Variants in SPECC1 observed in about 807,000 individuals in gnomAD.
SPECC1 encodes sperm antigen with calponin homology and coiled-coil domains 1.
A neutral mutation model predicts 104.1 loss-of-function variants in SPECC1; 62 were observed. The ratio of observed to expected loss-of-function variants is 0.60; its 90% CI spans 0.49 to 0.74. SPECC1 has a LOEUF of 0.74. Ranked by LOEUF, SPECC1 falls within the 30% of genes least tolerant of loss-of-function variation. The pLI is 0.00. For synonymous variants in SPECC1, 513 were observed against 501.6 expected (o/e 1.02, Z -0.30); for missense variants, 1,306 against 1,310.5 (o/e 1.00, Z 0.05).
Position 20,204,660 on chromosome 17 carries a change from G to T in SPECC1, c.611G>T (p.Gly204Val). The stretch of plus-strand genomic sequence containing the variant: ...GAGAAAAGGACTCTGAACGCTGAGG[G>T]GACTGATGCTTTGGGCCCAAATGTC... Reference protein sequence around the residue: ...YKEKRTLNAEGTDALGPNVDG... With the variant: ...YKEKRTLNAEVTDALGPNVDG... The change falls in exon 4 of 15, where the codon GGG becomes GTG. Residue 204 changes from glycine (G) to valine (V), a missense_variant. By Grantham distance (109) the Gly-to-Val change is moderately radical. Transcript: ENST00000395527. The T allele has an allele frequency of 6.2e-7, 1 of 1,613,974 alleles. No homozygotes were observed. Among genetic ancestry groups the T allele is most frequent in the South Asian group, 1.1e-5 (1 of 91,046 alleles).
chr17:20,272,185 C>T (rs562699932), intron 12 of SPECC1, among the ~76,000 whole-genome samples: 22 of 152,228 alleles, frequency 1.4e-4, no homozygotes, highest in African/African-American at 5.3e-4. Context: ...ATTTCTTCTA[C>T]TCTGTTTTCT....
chr17:20,042,538 G>T (rs548035858), intron 1 of SPECC1, among the ~76,000 whole-genome samples: 2 of 152,324 alleles, frequency 1.3e-5, no homozygotes, highest in African/African-American at 4.8e-5. Flanking sequence ...CTACTGCCAT[G>T]CAGGGATAAA....
chr17:20,082,347 G>T (rs1252302045), intron 1 of SPECC1, among the ~76,000 whole-genome samples: 2 of 152,092 alleles, frequency 1.3e-5, no homozygotes, highest in Non-Finnish European at 2.9e-5. Flanking sequence ...TCAAAATCAA[G>T]GTGTTATTTT....
intron 1 of SPECC1, among the ~76,000 whole-genome samples, chr17:20,063,738 A>T (rs2046268994): frequency 6.6e-6 from 1 of 152,214 alleles, no homozygotes; most frequent in Non-Finnish European, 1.5e-5. Flanking sequence ...ATGAGTCAGG[A>T]ATCAGGCAGA....
chr17:20,060,917 G>A (rs1017575185), intron 1 of SPECC1, among the ~76,000 whole-genome samples: 7 of 152,192 alleles, frequency 4.6e-5, no homozygotes, highest in Non-Finnish European at 7.3e-5. Context: ...TGTAAAAGCA[G>A]TAACTTGTAG....
intron 3 of SPECC1, chr17:20,112,115 G>A (rs9902683): frequency 0.12 from 91,615 of 763,760 alleles, 5,762 homozygotes; most frequent in Non-Finnish European, 0.13. Flanking sequence ...CTGGAGGGGC[G>A]GTACTTTACA....
At chr17:20,141,901 T>C (rs1449395481) in intron 3 of SPECC1, among the ~76,000 whole-genome samples, 1 of 152,228 alleles carries the variant, frequency 6.6e-6, no homozygotes, top group Non-Finnish European at 1.5e-5. Context: ...ATTCTCCCCA[T>C]GTTCAAGTTT....
intron 12 of SPECC1, among the ~76,000 whole-genome samples, chr17:20,280,073 C>T (rs2040713940): frequency 1.3e-5 from 2 of 152,118 alleles, no homozygotes; most frequent in Non-Finnish European, 2.9e-5. Context: ...AAAATGGATT[C>T]CACCTGTGTG....
intron 1 of SPECC1, chr17:20,095,996 CTG>C (rs2047628031): frequency 6.6e-6 from 1 of 152,274 alleles, no homozygotes; most frequent in South Asian, 2.1e-4. Context: ...TTCCACATCT[CTG>C]TGTGGATTTT....
intron 1 of SPECC1, among the ~76,000 whole-genome samples, chr17:20,030,166 A>C (rs1483134146): frequency 1.3e-5 from 2 of 152,208 alleles, no homozygotes; most frequent in Non-Finnish European, 2.9e-5. Flanking sequence ...GAGGAAACTA[A>C]TACAAACATT....
intron 3 of SPECC1, among the ~76,000 whole-genome samples, chr17:20,116,518 G>C (rs540240637): frequency 6.6e-6 from 1 of 152,268 alleles, no homozygotes; most frequent in South Asian, 2.1e-4. Context: ...AAACTCTTTT[G>C]AAGGAGAAGT....
rs1387241883 is a variant in SPECC1, at chr17:20,306,008, G to GT, written c.3058-14dup. 6.2e-7 allele frequency: 1 copy of GT among 1,612,360 alleles called. No individual in the cohort carries two copies. The highest frequency in any genetic ancestry group is 8.5e-7 in the Non-Finnish European group (1 of 1,179,340). Reference sequence around the variant, plus strand: ...TTAAATTACTGATTCCAGTCTCTTTGTCTTTTTAACTTAGAAGAGGAATCT... The same window carrying GT: ...TTAAATTACTGATTCCAGTCTCTTTGTTCTTTTTAACTTAGAAGAGGAATCT... On this transcript the variant is annotated splice_polypyrimidine_tract_variant and intron_variant, in intron 13 of 14. Coordinates refer to ENST00000395527, the MANE Select transcript of SPECC1 (RefSeq NM_001243439.2).
At chr17:20,264,196 A>G (rs1180351971) in intron 12 of SPECC1, among the ~76,000 whole-genome samples, 1 of 152,168 alleles carries the variant, frequency 6.6e-6, no homozygotes. Context: ...ATCAAAATAC[A>G]GCGTGAAAGG....
chr17:20,186,593 C>T (rs1249764499), intron 3 of SPECC1, among the ~76,000 whole-genome samples: 4 of 152,208 alleles, frequency 2.6e-5, no homozygotes, highest in Non-Finnish European at 5.9e-5. Context: ...GACAGGGTCT[C>T]ACTCCCATCG....
intron 14 of SPECC1, among the ~76,000 whole-genome samples, chr17:20,309,440 A>T (rs1343217362): frequency 1.3e-5 from 2 of 152,176 alleles, no homozygotes; most frequent in African/African-American, 4.8e-5. Flanking sequence ...GTACATGTAC[A>T]GGTTTGTTAC....
In SPECC1 at chr17:20,205,429, A is replaced by G; in HGVS notation, c.1380A>G (p.Glu460=). 1 of 1,614,146 alleles carries G rather than the reference A, an allele frequency of 6.2e-7. No homozygotes were observed. The highest frequency in any genetic ancestry group is 8.5e-7 in the Non-Finnish European group (1 of 1,180,040). ...AGAATGAAGAGCCCACCACTCAGGAAGGAAAAATTATTGAACTGGAGCAGA... is the reference window on the plus strand; with the variant it reads ...AGAATGAAGAGCCCACCACTCAGGAGGGAAAAATTATTGAACTGGAGCAGA... ...RVKNEEPTTQ[E]GKIIELEQKC... The change falls in exon 4 of 15, where the codon GAA becomes GAG. Residue 460 remains glutamate (E), a synonymous_variant. Coordinates refer to ENST00000395527, the MANE Select transcript of SPECC1 (RefSeq NM_001243439.2).
chr17:20,205,031 G>GCTTC lies in SPECC1; in HGVS notation c.984_987dup (p.Asp330PhefsTer4). 1 of 1,614,146 alleles carries GCTTC rather than the reference G, an allele frequency of 6.2e-7. No homozygotes were observed. The highest frequency in any genetic ancestry group is 8.5e-7 in the Non-Finnish European group (1 of 1,180,020). ...TACCAAAGCTTCTTTGTCGCCAGAT[G>GCTTC]CTTCCGACTTTGAGCACATTACAGC... On this transcript the variant is annotated frameshift_variant, in exon 4 of 15. Transcript: ENST00000395527. LOFTEE classifies it high-confidence loss of function.
rs2036990673 is a variant in SPECC1 at position 20,209,406 on chromosome 17, G to A, written c.1863+3494G>A. On this transcript the variant is annotated intron_variant, in intron 4 of 14. Transcript: ENST00000395527. ...TTCCGTAAATCTATGTAAGTTTCAAGTTAAGATTACTCAAGCAACCCAGAT... is the reference window on the plus strand; with the variant it reads ...TTCCGTAAATCTATGTAAGTTTCAAATTAAGATTACTCAAGCAACCCAGAT... Among the ~76,000 whole-genome samples the A allele has an allele frequency of 2.6e-5, 4 of 152,266 alleles. No individual in the cohort carries two copies. The South Asian group carries it at 6.2e-4, about 24-fold the overall frequency.
At chr17:20,204,284 T>C (rs755817953) in intron 3 of SPECC1, 49 bp from the exon 4 acceptor site, 5 of 1,562,898 alleles carry the variant, frequency 3.2e-6, no homozygotes, top group Non-Finnish European at 4.3e-6. Context: ...GTTTTGTTTA[T>C]AAGAATGCTT....
Sources: allele counts gnomAD v4.1 joint callset (sites outside exome capture counted in the v4.1 genomes callset), GRCh38; gene constraint gnomAD v4.1.1; transcripts MANE v1.5; gene names NCBI Gene and HGNC (gene_info 2026-07-23, HGNC 2026-07-21).